Variants in CCDC60 observed in about 807,000 individuals in gnomAD.
CCDC60 encodes the protein coiled-coil domain containing 60.
Under a neutral mutation model 63.5 loss-of-function variants are expected in CCDC60, and 54 were observed. That is an observed-to-expected ratio of 0.85 (90% confidence interval 0.68 to 1.07). The LOEUF (loss-of-function observed/expected upper bound fraction) is 1.07. CCDC60 is among the 50% of genes least tolerant of loss of function. CCDC60 has a pLI of 0.00. For missense variants in CCDC60, 651 were observed against 684.3 expected (o/e 0.95, Z 0.54); for synonymous variants, 206 against 238.8 (o/e 0.86, Z 1.27).
chr12:119,362,767 T>A (rs1955803727), intron 1 of CCDC60, among the ~76,000 whole-genome samples: 1 of 152,200 alleles, frequency 6.6e-6, no homozygotes, highest in African/African-American at 2.4e-5. Flanking sequence ...ATACACTAGA[T>A]TTTCTTAGCT....
chr12:119,443,861 T>C (rs1178669413), intron 2 of CCDC60, among the ~76,000 whole-genome samples: 2 of 152,152 alleles, frequency 1.3e-5, no homozygotes, highest in African/African-American at 2.4e-5. Flanking sequence ...CCCTCATCTA[T>C]GAAATGGGGA....
intron 12 of CCDC60, among the ~76,000 whole-genome samples, chr12:119,529,764 G>A (rs1236468564): frequency 3.3e-5 from 5 of 152,098 alleles, no homozygotes; most frequent in African/African-American, 1.2e-4. Context: ...TCTTCCCTCT[G>A]TGGGAGGGAA....
intron 4 of CCDC60, among the ~76,000 whole-genome samples, chr12:119,480,584 T>G (rs1392594740): frequency 6.6e-6 from 1 of 151,300 alleles, no homozygotes; most frequent in Non-Finnish European, 1.5e-5. Context: ...ATCACCATCA[T>G]CCTCATCACC....
At chr12:119,409,335 A>G (rs1228938473) in intron 1 of CCDC60, among the ~76,000 whole-genome samples, 10 of 152,072 alleles carry the variant, frequency 6.6e-5, no homozygotes, top group Admixed American at 6.5e-4. Flanking sequence ...TGTCCTGTAT[A>G]TTGTAGGATG....
intron 1 of CCDC60, among the ~76,000 whole-genome samples, chr12:119,407,278 G>A (rs1358117996): frequency 1.3e-5 from 2 of 152,026 alleles, no homozygotes; most frequent in Admixed American, 6.6e-5. Flanking sequence ...AGGCCAAGGC[G>A]GGACAATTAC....
intron 9 of CCDC60, among the ~76,000 whole-genome samples, chr12:119,522,694 C>G (rs1952560907): frequency 6.6e-6 from 1 of 152,120 alleles, no homozygotes; most frequent in Non-Finnish European, 1.5e-5. Context: ...TTGCTGTGGA[C>G]CGTAAGGCAG....
At chr12:119,373,261 A>G (rs1342927474) in intron 1 of CCDC60, among the ~76,000 whole-genome samples, 1 of 152,192 alleles carries the variant, frequency 6.6e-6, no homozygotes, top group Non-Finnish European at 1.5e-5. Flanking sequence ...CCTAGCACAT[A>G]GCATTTACTC....
intron 1 of CCDC60, among the ~76,000 whole-genome samples, chr12:119,352,192 C>T (rs577471492): frequency 3.9e-5 from 6 of 152,204 alleles, no homozygotes; most frequent in Admixed American, 1.3e-4. Flanking sequence ...AGAATTCATT[C>T]ACTATTGTGA....
At chr12:119,409,348 T>C (rs1956551743) in intron 1 of CCDC60, among the ~76,000 whole-genome samples, 1 of 152,108 alleles carries the variant, frequency 6.6e-6, no homozygotes, top group Non-Finnish European at 1.5e-5. Flanking sequence ...GTAGGATGTT[T>C]AGCAGCATCA....
At chr12:119,364,260 T>G (rs1955819003) in intron 1 of CCDC60, among the ~76,000 whole-genome samples, 1 of 152,116 alleles carries the variant, frequency 6.6e-6, no homozygotes, top group Non-Finnish European at 1.5e-5. Context: ...ACATTTTAAG[T>G]CTACAGTTCA....
intron 1 of CCDC60, among the ~76,000 whole-genome samples, chr12:119,382,520 G>C (rs1593005451): frequency 1.3e-5 from 2 of 152,254 alleles, no homozygotes; most frequent in East Asian, 3.8e-4. Flanking sequence ...CATCTGTGAA[G>C]GCCCTGAGTC....
At position 119,391,892 on chromosome 12, in the gene CCDC60, TGTGTGG is replaced by T. The variant is rs535943822; in HGVS notation, c.91-36790_91-36785del. Among the ~76,000 whole-genome samples, 1,242 of 152,260 alleles carry T rather than the reference TGTGTGG, an allele frequency of 8.2e-3. 6 individuals carry two copies. The highest frequency in any genetic ancestry group is 0.013 in the Non-Finnish European group (877 of 68,018). On this transcript the variant is annotated intron_variant, in intron 1 of 13. Transcript: ENST00000327554. Reference sequence around the variant, plus strand: ...GGGGTCCCGCAGCATACCAGTGAGTTGTGTGGCACGTCTGAGTGCTCGAGACAGCTG... The same window carrying T: ...GGGGTCCCGCAGCATACCAGTGAGTTCACGTCTGAGTGCTCGAGACAGCTG...
intron 4 of CCDC60, 153 bp downstream of exon 4, chr12:119,479,354 A>G (rs1421511772): frequency 1.5e-5 from 9 of 597,468 alleles, no homozygotes; most frequent in Non-Finnish European, 2.1e-5. Context: ...TTGGCATATA[A>G]AAATAACAGA....
At chr12:119,408,812 G>A (rs1029614120) in intron 1 of CCDC60, among the ~76,000 whole-genome samples, 4 of 148,932 alleles carry the variant, frequency 2.7e-5, no homozygotes, top group Non-Finnish European at 4.5e-5. Context: ...GTGACAGAGC[G>A]AGACTCCGTC....
chr12:119,423,185 G>T (rs183760531), intron 1 of CCDC60, among the ~76,000 whole-genome samples: 1 of 151,902 alleles, frequency 6.6e-6, no homozygotes, highest in East Asian at 1.9e-4. Flanking sequence ...GACAATTTTT[G>T]GGGGGGCGAG....
At chr12:119,409,154 C>T (rs1017912938) in intron 1 of CCDC60, among the ~76,000 whole-genome samples, 6 of 152,102 alleles carry the variant, frequency 3.9e-5, no homozygotes, top group Admixed American at 6.6e-5. Flanking sequence ...CCACAGACTC[C>T]GGTGTAGGGG....
chr12:119,417,240 T>C (rs1046211610), intron 1 of CCDC60, among the ~76,000 whole-genome samples: 7 of 152,224 alleles, frequency 4.6e-5, no homozygotes, highest in Non-Finnish European at 1.0e-4. Context: ...GAGACATTTT[T>C]ATTGTTGTAA....
At chr12:119,440,582 C>A (rs1397228528) in intron 2 of CCDC60, among the ~76,000 whole-genome samples, 1 of 151,876 alleles carries the variant, frequency 6.6e-6, no homozygotes, top group African/African-American at 2.4e-5. Flanking sequence ...ATATAAAATC[C>A]ATTGACATTT....
intron 2 of CCDC60, among the ~76,000 whole-genome samples, chr12:119,467,282 C>T (rs1950970446): frequency 6.6e-6 from 1 of 152,238 alleles, no homozygotes; most frequent in Non-Finnish European, 1.5e-5. Context: ...CATGCCTGCC[C>T]TGCATCAGTA....
Sources: gnomAD v4.1 joint callset for allele counts (sites outside exome capture counted in the v4.1 genomes callset) on GRCh38, gnomAD v4.1.1 for gene constraint, MANE v1.5 for transcripts, NCBI Gene and HGNC (gene_info 2026-07-23, HGNC 2026-07-21) for gene names.